Variants in DPP10 observed in about 807,000 individuals in gnomAD.
DPP10 encodes dipeptidyl peptidase like 10.
A neutral mutation model predicts 120.9 loss-of-function variants in DPP10; 33 were observed. The ratio of observed to expected loss-of-function variants is 0.27; its 90% CI spans 0.21 to 0.37. The LOEUF (loss-of-function observed/expected upper bound fraction) is 0.37, where lower values mean the gene tolerates loss of function less well. Ranked by LOEUF, DPP10 falls within the 10% of genes least tolerant of loss-of-function variation. The probability of loss-of-function intolerance (pLI) is 1.00; values close to 1 mark genes in which losing one functional copy is unlikely to be tolerated. For synonymous variants in DPP10, 337 were observed against 326.1 expected, an observed-to-expected ratio of 1.03 and a Z score of -0.36; for missense variants, 816 against 942.8, an observed-to-expected ratio of 0.87 and a Z score of 1.76.
At chr2:114,874,306 G>C (rs1690965308) in intron 1 of DPP10, among the ~76,000 whole-genome samples, 1 of 152,138 alleles carries the variant, frequency 6.6e-6, no homozygotes, top group Non-Finnish European at 1.5e-5. Flanking sequence ...GATCACAAAT[G>C]ATGGTGGCCT....
At chr2:115,242,960 G>A (rs1445529784) in intron 1 of DPP10, among the ~76,000 whole-genome samples, 2 of 152,000 alleles carry the variant, frequency 1.3e-5, no homozygotes, top group Non-Finnish European at 2.9e-5. Context: ...ACCTTTATTG[G>A]TAGTTGGTGA....
intron 1 of DPP10, among the ~76,000 whole-genome samples, chr2:114,620,224 G>A (rs1266645854): frequency 1.3e-5 from 2 of 151,816 alleles, no homozygotes; most frequent in African/African-American, 4.8e-5. Context: ...AGGCATATAT[G>A]TTACAAAAAA....
chr2:114,942,406 T>C (rs1336331674), intron 1 of DPP10, among the ~76,000 whole-genome samples: 11 of 142,334 alleles, frequency 7.7e-5, no homozygotes, highest in East Asian at 4.0e-4. Flanking sequence ...CACACACATA[T>C]ATATATATAT....
chr2:115,089,302 A>C (rs1314042582), intron 1 of DPP10, among the ~76,000 whole-genome samples: 3 of 152,122 alleles, frequency 2.0e-5, no homozygotes, highest in Non-Finnish European at 4.4e-5. Context: ...CAATCTAATC[A>C]TTCTTTTCTC....
At chr2:114,644,303 C>A (rs566560546) in intron 1 of DPP10, among the ~76,000 whole-genome samples, 1 of 150,788 alleles carries the variant, frequency 6.6e-6, no homozygotes, top group East Asian at 2.0e-4. Context: ...ACATACATAA[C>A]CATGTAGTCC....
intron 1 of DPP10, among the ~76,000 whole-genome samples, chr2:115,258,186 T>C (rs2059092358): frequency 6.6e-6 from 1 of 152,188 alleles, no homozygotes; most frequent in Admixed American, 6.5e-5. Flanking sequence ...TGTTATACTT[T>C]ATATGCCTGA....
chr2:115,468,736 T>G, intron 3 of DPP10: 1 of 388,776 alleles, frequency 2.6e-6, no homozygotes, highest in Non-Finnish European at 5.0e-6. Context: ...AATTTCAGGA[T>G]GAATGGCCTA....
At chr2:114,499,527 G>A (rs1309443109) in intron 1 of DPP10, among the ~76,000 whole-genome samples, 3 of 151,394 alleles carry the variant, frequency 2.0e-5, no homozygotes, top group Non-Finnish European at 4.4e-5. Flanking sequence ...TTTTGGGACT[G>A]CGCCATCTCC....
At chr2:115,756,518 G>A (rs567279842) in intron 11 of DPP10, among the ~76,000 whole-genome samples, 2 of 151,696 alleles carry the variant, frequency 1.3e-5, no homozygotes, top group South Asian at 4.2e-4. Flanking sequence ...TGTATGAAGA[G>A]GAAGAATATT....
intron 4 of DPP10, among the ~76,000 whole-genome samples, chr2:115,517,018 G>C (rs2077541309): frequency 6.6e-6 from 1 of 152,104 alleles, no homozygotes; most frequent in African/African-American, 2.4e-5. Context: ...TTGATAGCAG[G>C]AATGTCATTT....
At chr2:114,930,887 A>C (rs1051427908) in intron 1 of DPP10, among the ~76,000 whole-genome samples, 4 of 152,178 alleles carry the variant, frequency 2.6e-5, no homozygotes, top group African/African-American at 9.6e-5. Context: ...TAGAGTGAGA[A>C]CTTATTAACT....
intron 1 of DPP10, among the ~76,000 whole-genome samples, chr2:114,716,847 A>G (rs1279177562): frequency 1.3e-5 from 2 of 152,210 alleles, no homozygotes; most frequent in East Asian, 1.9e-4. Context: ...GAGGAAGGGT[A>G]ACCAGTTATT....
chr2:115,409,656 A>C (rs377281823), intron 3 of DPP10, among the ~76,000 whole-genome samples: 1 of 152,184 alleles, frequency 6.6e-6, no homozygotes, highest in Non-Finnish European at 1.5e-5. Context: ...CAATCCCACT[A>C]TTGCATATCT....
chr2:115,828,406 T>C (rs1345629788), intron 21 of DPP10, among the ~76,000 whole-genome samples: 1 of 152,184 alleles, frequency 6.6e-6, no homozygotes, highest in East Asian at 1.9e-4. Flanking sequence ...CTATCTAGGT[T>C]AAGTGTTTTT....
intron 8 of DPP10, among the ~76,000 whole-genome samples, chr2:115,739,351 G>GTT (rs977564589): frequency 1.4e-4 from 21 of 151,954 alleles, no homozygotes; most frequent in African/African-American, 2.4e-5. Flanking sequence ...TGGGCCCTCA[G>GTT]TTTGGTTGAT....
intron 5 of DPP10, among the ~76,000 whole-genome samples, chr2:115,624,398 GC>G (rs1558941268): frequency 6.6e-6 from 1 of 151,946 alleles, no homozygotes; most frequent in Middle Eastern, 3.4e-3. Context: ...TTTTTGTCAA[GC>G]CCCCCAAAAG....
intron 1 of DPP10, among the ~76,000 whole-genome samples, chr2:114,790,872 C>T (rs1383273929): frequency 6.6e-6 from 1 of 152,174 alleles, no homozygotes; most frequent in Non-Finnish European, 1.5e-5. Flanking sequence ...TGGGCGAATA[C>T]GTGCAGGTCA....
intron 3 of DPP10, among the ~76,000 whole-genome samples, chr2:115,359,036 G>T (rs1263720596): frequency 6.6e-6 from 1 of 152,182 alleles, no homozygotes; most frequent in Non-Finnish European, 1.5e-5. Flanking sequence ...TGTTGCATAT[G>T]AGATGGGTTT....
chr2:115,370,259 T>C (rs1213000591), intron 3 of DPP10, among the ~76,000 whole-genome samples: 2 of 152,222 alleles, frequency 1.3e-5, no homozygotes, highest in East Asian at 3.9e-4. Context: ...ACACTTAGGC[T>C]TTGAAATCCA....
Sources: allele counts gnomAD v4.1 joint callset (sites outside exome capture counted in the v4.1 genomes callset), GRCh38; gene constraint gnomAD v4.1.1; transcripts MANE v1.5; gene names NCBI Gene and HGNC (gene_info 2026-07-23, HGNC 2026-07-21).